Variants in SHISA9 observed in about 807,000 individuals in gnomAD.
SHISA9 encodes the protein protein shisa-9.
A neutral mutation model predicts 38.0 loss-of-function variants in SHISA9; 13 were observed. That is an observed-to-expected ratio of 0.34 (90% CI 0.22 to 0.54). The LOEUF is 0.54. Ranked by LOEUF, SHISA9 falls within the 20% of genes least tolerant of loss-of-function variation. The pLI is 0.91. For synonymous variants in SHISA9, 275 were observed against 242.0 expected (o/e 1.14, Z -1.27); for missense variants, 538 against 575.8 (o/e 0.93, Z 0.67).
chr16:13,441,643 T>C, the SHISA9 span, among the ~76,000 whole-genome samples: 227 of 152,298 alleles, frequency 1.5e-3, no homozygotes, highest in African/African-American at 5.3e-3. Context: ...CTATAAGTGA[T>C]TGTGATTCCC....
the SHISA9 span, among the ~76,000 whole-genome samples, chr16:13,520,767 A>G: frequency 6.6e-6 from 1 of 152,070 alleles, no homozygotes; most frequent in East Asian, 2.0e-4. Flanking sequence ...AGTCACAAGA[A>G]GTCGACTAAG....
At chr16:12,911,411 AC>A (rs2071181911) in intron 1 of SHISA9, 1 of 981,820 alleles carries the variant, frequency 1.0e-6, no homozygotes, top group Non-Finnish European at 1.2e-6. Flanking sequence ...TTTTGTATGC[AC>A]CCCAATATAT....
At chr16:12,971,990 T>C (rs899135183) in intron 2 of SHISA9, among the ~76,000 whole-genome samples, 1 of 151,304 alleles carries the variant, frequency 6.6e-6, no homozygotes, top group Non-Finnish European at 1.5e-5. Flanking sequence ...ATTCTAGACA[T>C]TGGGGATATG....
chr16:12,934,737 A>G (rs1266385304), intron 2 of SHISA9, among the ~76,000 whole-genome samples: 1 of 152,216 alleles, frequency 6.6e-6, no homozygotes, highest in East Asian at 1.9e-4. Flanking sequence ...GTGAAAGCCA[A>G]AGCCATCAAT....
chr16:13,255,893 C>T, the SHISA9 span, among the ~76,000 whole-genome samples: 4 of 152,164 alleles, frequency 2.6e-5, no homozygotes, highest in African/African-American at 9.7e-5. Flanking sequence ...TTTTTCTCAG[C>T]TCACTCTCCA....
intron 2 of SHISA9, among the ~76,000 whole-genome samples, chr16:12,935,754 G>T (rs1372048837): frequency 6.6e-6 from 1 of 151,744 alleles, no homozygotes; most frequent in African/African-American, 2.4e-5. Context: ...AGGCTGAGAT[G>T]GGAAGATTAC....
Position 13,235,513 on chromosome 16 carries a change from C to A in SHISA9, c.*104C>A. 2 of 1,323,618 alleles carry A rather than the reference C, an allele frequency of 1.5e-6. No individual in the cohort carries two copies. The highest frequency in any genetic ancestry group is 2.0e-6 in the Non-Finnish European group (2 of 994,212). 82.0% of individuals were successfully genotyped at this position (1,323,618 alleles called of 1,614,324 possible). Reference sequence around the variant, plus strand: ...TCCTCCCCTAATACATGCGTCCACACACTCACTCTCAACAAGAACCAACTC... The same window carrying A: ...TCCTCCCCTAATACATGCGTCCACAAACTCACTCTCAACAAGAACCAACTC... On this transcript the variant is annotated 3_prime_UTR_variant, in exon 5 of 5. Coordinates refer to ENST00000558583, the MANE Select transcript of SHISA9 (RefSeq NM_001145204.3).
intron 4 of SHISA9, among the ~76,000 whole-genome samples, chr16:13,216,678 C>T (rs410055): frequency 0.47 from 71,700 of 151,876 alleles, 17,723 homozygotes; most frequent in East Asian, 0.75. Flanking sequence ...GTGCAGATGT[C>T]ACTGGGGAGC....
the SHISA9 span, among the ~76,000 whole-genome samples, chr16:13,343,788 T>A: frequency 2.2e-4 from 34 of 152,242 alleles, no homozygotes; most frequent in Admixed American, 2.2e-3. Context: ...GGCATCATGA[T>A]CTTTAATTAG....
At chr16:13,468,440 T>G in the SHISA9 span, among the ~76,000 whole-genome samples, 4 of 152,228 alleles carry the variant, frequency 2.6e-5, no homozygotes, top group African/African-American at 9.7e-5. Context: ...CAGATATAAA[T>G]GTGATGCACA....
intron 2 of SHISA9, among the ~76,000 whole-genome samples, chr16:13,135,659 T>G (rs75371873): frequency 0.017 from 2,654 of 152,244 alleles, 74 homozygotes; most frequent in African/African-American, 0.06. Context: ...AAATTGTATC[T>G]CAACATCTGC....
chr16:12,996,207 A>G (rs1188829257), intron 2 of SHISA9, among the ~76,000 whole-genome samples: 1 of 152,194 alleles, frequency 6.6e-6, no homozygotes, highest in Non-Finnish European at 1.5e-5. Flanking sequence ...TTTGAGCTAC[A>G]CAATGTGTTT....
rs762698210 is a variant in SHISA9, at chr16:12,902,439, G to T, written c.375G>T (p.Thr125=). 18 of 1,551,186 alleles carry T rather than the reference G, an allele frequency of 1.2e-5. No individual in the cohort carries two copies. Among genetic ancestry groups the T allele is most frequent in the South Asian group, 2.4e-5 (2 of 84,072 alleles). ...AAAGCACCTGCACCAACTACGACAC[G>T]CCGCTCTGGCTCAACACCGGCAAGC... The part of the protein sequence containing the change: ...LNQSTCTNYD[T]PLWLNTGKPP... The change falls in exon 1 of 5, where the codon ACG becomes ACT. Residue 125 remains threonine (T), a synonymous_variant. Transcript: ENST00000558583.
intron 4 of SHISA9, among the ~76,000 whole-genome samples, chr16:13,216,797 G>T (rs1437827428): frequency 6.6e-6 from 1 of 152,192 alleles, no homozygotes; most frequent in Non-Finnish European, 1.5e-5. Flanking sequence ...TCCCTTTGGA[G>T]TGTGTCTGCC....
the SHISA9 span, among the ~76,000 whole-genome samples, chr16:13,411,115 C>T: frequency 6.6e-6 from 1 of 152,116 alleles, no homozygotes; most frequent in Non-Finnish European, 1.5e-5. Flanking sequence ...CATATCCGTC[C>T]CTGATTCACT....
chr16:13,146,125 G>T (rs148116693), intron 2 of SHISA9, among the ~76,000 whole-genome samples: 1 of 152,212 alleles, frequency 6.6e-6, no homozygotes, highest in Non-Finnish European at 1.5e-5. Flanking sequence ...GGGAGGGGAA[G>T]GTTGCAGTGA....
the SHISA9 span, among the ~76,000 whole-genome samples, chr16:13,254,478 A>G: frequency 1.3e-5 from 2 of 152,256 alleles, no homozygotes; most frequent in Non-Finnish European, 2.9e-5. Context: ...AACAGAGTTT[A>G]GGGAATCCCA....
chr16:12,991,846 T>C lies in SHISA9; in HGVS notation c.691+75031T>C, dbSNP rs118138838. Among the ~76,000 whole-genome samples the C allele has an allele frequency of 6.0e-3, 917 of 152,254 alleles. 7 individuals are homozygous for C. The highest frequency in any genetic ancestry group is 0.034 in the Middle Eastern group (10 of 294). ...TACTGATAGATCCTTTTCCTTTTAA[T>C]AGTCATGCATTTATTTTTATGTACA... On this transcript the variant is annotated intron_variant, in intron 2 of 4. Coordinates refer to ENST00000558583, the MANE Select transcript of SHISA9 (RefSeq NM_001145204.3).
the SHISA9 span, among the ~76,000 whole-genome samples, chr16:13,369,322 T>C: frequency 6.6e-6 from 1 of 152,172 alleles, no homozygotes. Context: ...AAGGAAGTTC[T>C]GAACAAAACA....
Sources: gnomAD v4.1 joint callset for allele counts (sites outside exome capture counted in the v4.1 genomes callset) on GRCh38, gnomAD v4.1.1 for gene constraint, MANE v1.5 for transcripts, NCBI Gene and HGNC (gene_info 2026-07-23, HGNC 2026-07-21) for gene names.